The following SPINK5 variants were observed in gnomAD, a reference collection of about 807,000 sequenced individuals.
SPINK5 encodes the protein serine peptidase inhibitor Kazal type 5, also known as serine protease inhibitor Kazal-type 5.
SPINK5 carries 125 observed loss-of-function variants against 151.8 expected under a neutral mutation model. The ratio of observed to expected loss-of-function variants is 0.82; its 90% CI spans 0.71 to 0.96. The LOEUF (loss-of-function observed/expected upper bound fraction) is 0.96, where lower values mean the gene tolerates loss of function less well. Among genes scored for constraint, SPINK5 ranks in the 40% least tolerant of loss-of-function variants. The pLI, the probability that SPINK5 is intolerant of heterozygous loss-of-function variation, is 0.00. For synonymous variants in SPINK5, 374 were observed against 395.3 expected (o/e 0.95, Z 0.64); for missense variants, 1,194 against 1,291.9 (o/e 0.92, Z 1.16).
chr5:148,070,529 T>C, intron 3 of SPINK5, 79 bp downstream of exon 3: 1 of 1,571,032 alleles, frequency 6.4e-7, no homozygotes, highest in Non-Finnish European at 8.7e-7. Context: ...ATTCTTTTTC[T>C]TTCAAGTGCA....
chr5:148,091,028 C>A, intron 7 of SPINK5, 137 bp from the exon 8 acceptor site: 1 of 727,226 alleles, frequency 1.4e-6, no homozygotes, highest in South Asian at 1.7e-5. Flanking sequence ...GCATTGAAGA[C>A]GGAAATGCTT....
At position 148,119,307 on chromosome 5, in the gene SPINK5, C is replaced by T. The variant is rs149551124; in HGVS notation, c.2313+249C>T. On this transcript the variant is annotated intron_variant, in intron 24 of 32. Transcript: ENST00000256084. Reference sequence around the variant, plus strand: ...ATTACAGTTTATTTAATTATTTCAACAGCCTGGTCAAATTTGGCCTTTTAA... The same window carrying T: ...ATTACAGTTTATTTAATTATTTCAATAGCCTGGTCAAATTTGGCCTTTTAA... Among the ~76,000 whole-genome samples the T allele has an allele frequency of 4.7e-4, 71 of 152,286 alleles. 1 individual carries two copies. The highest frequency in any genetic ancestry group is 1.5e-3 in the South Asian group (7 of 4,822).
intron 4 of SPINK5, among the ~76,000 whole-genome samples, chr5:148,085,990 C>A (rs1753143086): frequency 6.6e-6 from 1 of 151,844 alleles, no homozygotes; most frequent in African/African-American, 2.4e-5. Context: ...AACAAGCAAT[C>A]CTGCTCTTAA....
At position 148,133,974 on chromosome 5, in the gene SPINK5, A is replaced by G. The variant is rs2113241421; in HGVS notation, c.3186+87A>G. Reference sequence around the variant, plus strand: ...TGTTCTCTTCCACTGAGTAATGGACATTTATCTGGCCAGAGAGGTGACACT... The same window carrying G: ...TGTTCTCTTCCACTGAGTAATGGACGTTTATCTGGCCAGAGAGGTGACACT... On this transcript the variant is annotated intron_variant, in intron 32 of 32. Transcript: ENST00000256084. The G allele has an allele frequency of 4.3e-6, 6 of 1,391,118 alleles. No individual in the cohort carries two copies. The East Asian group carries it at 7.0e-5, about 16-fold the overall frequency. 86.2% of individuals were successfully genotyped at this position (1,391,118 alleles called of 1,614,324 possible).
chr5:148,085,876 T>G (rs1338072235), intron 4 of SPINK5, among the ~76,000 whole-genome samples: 1 of 151,874 alleles, frequency 6.6e-6, no homozygotes, highest in Non-Finnish European at 1.5e-5. Context: ...GTCCTGAGAG[T>G]TTGACAAAAT....
At chr5:148,064,230 C>A in intron 1 of SPINK5, 131 bp downstream of exon 1, 1 of 935,958 alleles carries the variant, frequency 1.1e-6, no homozygotes, top group South Asian at 1.3e-5. Context: ...TCTTGCCAGA[C>A]ACAGAGTTCT....
chr5:148,075,458 T>C (rs756835963), intron 4 of SPINK5, among the ~76,000 whole-genome samples: 2 of 151,628 alleles, frequency 1.3e-5, no homozygotes, highest in African/African-American at 4.8e-5. Context: ...TGGATACTAA[T>C]ATCTTAATTA....
At chr5:148,096,112 T>G (rs1753453599) in intron 10 of SPINK5, among the ~76,000 whole-genome samples, 1 of 151,992 alleles carries the variant, frequency 6.6e-6, no homozygotes, top group Admixed American at 6.6e-5. Context: ...TAGCTGTATA[T>G]GGAGGCAATT....
At chr5:148,097,498 T>C (rs914252494) in intron 10 of SPINK5, among the ~76,000 whole-genome samples, 1 of 152,018 alleles carries the variant, frequency 6.6e-6, no homozygotes, top group African/African-American at 2.4e-5. Context: ...ATTCTCAAGA[T>C]AGAACTTAGA....
intron 30 of SPINK5, among the ~76,000 whole-genome samples, chr5:148,130,259 T>C (rs181964469): frequency 3.9e-5 from 6 of 152,066 alleles, no homozygotes; most frequent in African/African-American, 1.4e-4. Context: ...TTGTGATTCA[T>C]TTCATTTCTA....
rs1754025806 is a variant in SPINK5, at chr5:148,114,298, T to C, written c.1888-64T>C. The C allele has an allele frequency of 1.9e-6, 3 of 1,566,356 alleles. No homozygotes were observed. The African/African-American group carries it at 4.1e-5, about 21-fold the overall frequency. ...TTTTTTTTTTCTATAAAGCACTTAG[T>C]AGGAACCCAGTAAACTAATTTCCCA... On this transcript the variant is annotated intron_variant, in intron 20 of 32. Coordinates refer to ENST00000256084, the MANE Select transcript of SPINK5 (RefSeq NM_006846.4).
intron 18 of SPINK5, among the ~76,000 whole-genome samples, chr5:148,110,538 T>C (rs1323140275): frequency 2.0e-5 from 3 of 152,224 alleles, no homozygotes; most frequent in African/African-American, 7.2e-5. Context: ...ATATTATTCA[T>C]TGTATTATAA....
intron 32 of SPINK5, among the ~76,000 whole-genome samples, chr5:148,135,431 T>G (rs930052089): frequency 6.6e-6 from 1 of 152,232 alleles, no homozygotes; most frequent in Middle Eastern, 3.2e-3. Context: ...ACTGATAAGA[T>G]GTATTTCTTT....
At chr5:148,121,143 C>CAAAAAAAAAAAAAAA (rs767012594) in intron 26 of SPINK5, among the ~76,000 whole-genome samples, 2 of 68,664 alleles carry the variant, frequency 2.9e-5, no homozygotes, top group Non-Finnish European at 4.7e-5. Flanking sequence ...GACTCTGTCT[C>CAAAAAAAAAAAAAAA]AAAAAAAAAA....
At chr5:148,114,282 TC>T in intron 20 of SPINK5, 79 bp from the exon 21 acceptor site, 7 of 1,443,746 alleles carry the variant, frequency 4.8e-6, no homozygotes, top group African/African-American at 2.9e-5. Flanking sequence ...TTTTTTTTTT[TC>T]TATAAAGCAC....
intron 24 of SPINK5, 125 bp downstream of exon 24, chr5:148,119,183 C>A: frequency 1.1e-6 from 1 of 890,572 alleles, no homozygotes; most frequent in Non-Finnish European, 1.8e-6. Flanking sequence ...TCAGGAGTTA[C>A]CAAGTTATCA....
chr5:148,104,623 C>T (rs759900906), intron 15 of SPINK5, among the ~76,000 whole-genome samples: 3 of 152,096 alleles, frequency 2.0e-5, no homozygotes, highest in Non-Finnish European at 2.9e-5. Flanking sequence ...TGGCCAGGCA[C>T]GGTGGCTCAC....
chr5:148,109,214 G>A lies in SPINK5; in HGVS notation c.1692+377G>A, dbSNP rs538664471. On this transcript the variant is annotated intron_variant, in intron 18 of 32. Coordinates refer to ENST00000256084, the MANE Select transcript of SPINK5 (RefSeq NM_006846.4). ...TACCTTAAAAACAGCAACAACTAGG[G>A]ATCCCACTTAATTATCTGTGAGATT... is the stretch of plus-strand genomic sequence containing the variant. 3.9e-5 allele frequency among the ~76,000 whole-genome samples: 6 copies of A among 152,170 alleles called. No homozygotes were observed. The South Asian group carries it at 1.2e-3, about 32-fold the overall frequency.
chr5:148,105,968 A>G (rs1753772799), intron 16 of SPINK5, among the ~76,000 whole-genome samples: 1 of 151,832 alleles, frequency 6.6e-6, no homozygotes, highest in Non-Finnish European at 1.5e-5. Context: ...TACAAACCTC[A>G]TCATTACTTG....
Sources: gnomAD v4.1 joint callset for allele counts (sites outside exome capture counted in the v4.1 genomes callset) on GRCh38, gnomAD v4.1.1 for gene constraint, MANE v1.5 for transcripts, NCBI Gene and HGNC (gene_info 2026-07-23, HGNC 2026-07-21) for gene names.